ASIC2: variants seen among roughly 807,000 people sequenced by gnomAD.
The protein encoded by ASIC2 is acid-sensing ion channel 2.
ASIC2 carries 25 observed loss-of-function variants against 57.3 expected under a neutral mutation model. The observed-to-expected ratio is 0.44, with a 90% CI of 0.32 to 0.61. The LOEUF (loss-of-function observed/expected upper bound fraction) is 0.61, where lower values mean the gene tolerates loss of function less well. Ranked by LOEUF, ASIC2 falls within the 20% of genes least tolerant of loss-of-function variation. The pLI is 0.06. For missense variants in ASIC2, 641 were observed against 738.1 expected (o/e 0.87, Z 1.52); for synonymous variants, 319 against 307.5 (o/e 1.04, Z -0.39).
At position 33,062,317 on chromosome 17, in the gene ASIC2, C is replaced by T. The variant is rs535951480; in HGVS notation, c.987+26546G>A. The stretch of plus-strand genomic sequence containing the variant: ...GGCATTTAGTGCTATAAATTTCCCT[C>T]TACACACTGCTTTAAATGTGTCCCA... On this transcript the variant is annotated intron_variant, in intron 3 of 9. Coordinates refer to ENST00000225823, the MANE Select transcript of ASIC2 (RefSeq NM_183377.2). 9.8e-5 allele frequency among the ~76,000 whole-genome samples: 15 copies of T among 152,316 alleles called. No homozygotes were observed. In the East Asian group the frequency reaches 2.9e-3, roughly 29 times the overall value.
intron 2 of ASIC2, among the ~76,000 whole-genome samples, chr17:33,106,804 TG>T (rs2092236571): frequency 6.6e-6 from 1 of 152,134 alleles, no homozygotes; most frequent in Non-Finnish European, 1.5e-5. Context: ...AGTCTTTTGC[TG>T]GGGGCAGGAT....
intron 1 of ASIC2, among the ~76,000 whole-genome samples, chr17:33,347,009 A>G (rs1907974968): frequency 6.6e-6 from 1 of 152,180 alleles, no homozygotes; most frequent in Non-Finnish European, 1.5e-5. Flanking sequence ...GAAGAGTTTG[A>G]TGGAGTGTGT....
chr17:33,965,884 G>A (rs960613983), intron 1 of ASIC2, among the ~76,000 whole-genome samples: 2 of 152,196 alleles, frequency 1.3e-5, no homozygotes, highest in African/African-American at 4.8e-5. Context: ...TGCCAGGGAA[G>A]GGACTAGCCC....
At chr17:33,063,217 C>G (rs193035443) in intron 3 of ASIC2, among the ~76,000 whole-genome samples, 225 of 152,216 alleles carry the variant, frequency 1.5e-3, no homozygotes, top group African/African-American at 4.1e-3. Context: ...ATGTTAGCTG[C>G]TTATTTTGCT....
intron 1 of ASIC2, among the ~76,000 whole-genome samples, chr17:33,300,089 T>A (rs1003534256): frequency 4.6e-5 from 7 of 152,210 alleles, no homozygotes; most frequent in African/African-American, 1.7e-4. Flanking sequence ...CAAAAGAGTA[T>A]CTAGTAAAAA....
chr17:34,147,337 T>A (rs781240528), intron 1 of ASIC2, among the ~76,000 whole-genome samples: 1 of 152,160 alleles, frequency 6.6e-6, no homozygotes, highest in Non-Finnish European at 1.5e-5. Context: ...GTTGCTTCTG[T>A]TTTATATGCT....
intron 2 of ASIC2, among the ~76,000 whole-genome samples, chr17:33,095,266 C>T (rs757827931): frequency 2.0e-5 from 3 of 152,184 alleles, no homozygotes; most frequent in Non-Finnish European, 4.4e-5. Context: ...CCCCTCCTCT[C>T]ATCTTCCATT....
At chr17:34,041,060 A>G (rs1415113249) in intron 1 of ASIC2, among the ~76,000 whole-genome samples, 2 of 152,206 alleles carry the variant, frequency 1.3e-5, no homozygotes, top group Non-Finnish European at 2.9e-5. Context: ...GGGAAAGCAT[A>G]TATCTCAACA....
At chr17:34,082,183 C>T (rs1567813581) in intron 1 of ASIC2, 1 of 152,364 alleles carries the variant, frequency 6.6e-6, no homozygotes, top group East Asian at 1.9e-4. Context: ...CCAACAGACT[C>T]TTCTGTCCCC....
intron 1 of ASIC2, among the ~76,000 whole-genome samples, chr17:33,647,185 C>CT (rs1906766865): frequency 6.6e-6 from 1 of 152,154 alleles, no homozygotes; most frequent in Non-Finnish European, 1.5e-5. Flanking sequence ...ATCTTGCTGC[C>CT]TCTGTTTATC....
In ASIC2 at chr17:33,291,507, G is replaced by A. The variant is rs1905445472; in HGVS notation, c.609C>T (p.Ile203=). The A allele has an allele frequency of 6.2e-7, 1 of 1,612,620 alleles. No homozygotes were observed. The highest frequency in any genetic ancestry group is 1.3e-5 in the African/African-American group (1 of 74,934). ...LFLPPRHFEG[I]SAAFMDRLGH... is the part of the protein sequence containing the mutation. ...CCAGGCGGTCCATGAAGGCGGCGCT[G>A]ATTCCCTCGAAGTGGCGCGGAGGCA... Residue 203 remains isoleucine (I), a synonymous_variant, in exon 1 of 10, where the codon ATC becomes ATT. Coordinates refer to ENST00000225823, the MANE Select transcript of ASIC2 (RefSeq NM_183377.2).
intron 1 of ASIC2, among the ~76,000 whole-genome samples, chr17:34,153,060 C>T (rs947229431): frequency 3.3e-5 from 5 of 152,198 alleles, no homozygotes; most frequent in South Asian, 2.1e-4. Context: ...TTTTACCCTC[C>T]GCAGACAGCC....
chr17:33,122,301 C>T (rs910006418), intron 1 of ASIC2, among the ~76,000 whole-genome samples: 4 of 152,122 alleles, frequency 2.6e-5, no homozygotes, highest in Non-Finnish European at 4.4e-5. Context: ...GATGTGGCTC[C>T]GAGGCTGCCA....
At chr17:33,302,607 T>C (rs1906004453) in intron 1 of ASIC2, among the ~76,000 whole-genome samples, 1 of 152,168 alleles carries the variant, frequency 6.6e-6, no homozygotes, top group South Asian at 2.1e-4. Context: ...CACTAAGGGG[T>C]TGTTTACTCT....
At chr17:33,866,493 G>A (rs574509793) in intron 1 of ASIC2, among the ~76,000 whole-genome samples, 26 of 152,182 alleles carry the variant, frequency 1.7e-4, no homozygotes, top group African/African-American at 5.8e-4. Context: ...TTATCTCTGA[G>A]CACTTATGTG....
intron 1 of ASIC2, among the ~76,000 whole-genome samples, chr17:33,653,884 C>G (rs1906998149): frequency 6.6e-6 from 1 of 152,138 alleles, no homozygotes; most frequent in Non-Finnish European, 1.5e-5. Context: ...TATATGCAGG[C>G]ATTGTACAGG....
At chr17:33,400,670 T>C (rs996620038) in intron 1 of ASIC2, among the ~76,000 whole-genome samples, 5 of 152,146 alleles carry the variant, frequency 3.3e-5, no homozygotes, top group African/African-American at 1.2e-4. Context: ...TAAAAAAAGA[T>C]CATTTATTAC....
chr17:34,117,845 G>A (rs1439583017), intron 1 of ASIC2, among the ~76,000 whole-genome samples: 2 of 152,068 alleles, frequency 1.3e-5, no homozygotes, highest in African/African-American at 4.8e-5. Context: ...AGAGGAGGAG[G>A]AACAGATTCC....
intron 1 of ASIC2, among the ~76,000 whole-genome samples, chr17:33,434,150 A>C (rs1199650347): frequency 6.6e-6 from 1 of 151,866 alleles, no homozygotes; most frequent in African/African-American, 2.4e-5. Flanking sequence ...TAAATAAAAT[A>C]AATAGAACAA....
Sources: allele counts gnomAD v4.1 joint callset (sites outside exome capture counted in the v4.1 genomes callset), GRCh38; gene constraint gnomAD v4.1.1; transcripts MANE v1.5; gene names NCBI Gene and HGNC (gene_info 2026-07-23, HGNC 2026-07-21).